Variants in PTGR1 observed in about 807,000 individuals in gnomAD.
The protein encoded by PTGR1 is prostaglandin reductase 1, also known as 15-oxoprostaglandin 13-reductase.
In PTGR1, 23 loss-of-function variants were observed where a neutral mutation model predicts 37.7. The observed-to-expected ratio is 0.61, with a 90% CI of 0.44 to 0.86. The LOEUF (loss-of-function observed/expected upper bound fraction) is 0.86, where lower values mean the gene tolerates loss of function less well. PTGR1 is among the 40% of genes least tolerant of loss of function. The pLI is 0.00. For synonymous variants in PTGR1, 134 were observed against 140.0 expected, an observed-to-expected ratio of 0.96 and a Z score of 0.30; for missense variants, 351 against 394.3, an observed-to-expected ratio of 0.89 and a Z score of 0.93.
In PTGR1 at chr9:111,562,791, C is replaced by T. The variant is rs779258232; in HGVS notation, c.*330G>A. The T allele has an allele frequency of 2.2e-5, 7 of 315,262 alleles. No homozygotes were observed. In the Admixed American group the frequency reaches 2.6e-4, roughly 12 times the overall value. 19.5% of individuals were successfully genotyped at this position (315,262 alleles called of 1,614,324 possible). A position where few individuals can be genotyped will look rare whatever the true frequency, so the allele number is the denominator to read the frequency against. On this transcript the variant is annotated 3_prime_UTR_variant, in exon 10 of 10. Transcript: ENST00000407693. ...AGGCCCCAGCGTGTGTTGTTCCCCTCCCTATGTCCATGTGTTCTCATTGTT... is the reference window on the plus strand; with the variant it reads ...AGGCCCCAGCGTGTGTTGTTCCCCTTCCTATGTCCATGTGTTCTCATTGTT...
chr9:111,550,683 C>T (rs775610143), intron 9 of PTGR1, among the ~76,000 whole-genome samples: 3 of 152,176 alleles, frequency 2.0e-5, no homozygotes, highest in Admixed American at 6.5e-5. Flanking sequence ...ATTTTTCCTG[C>T]TTTCTTGAAG....
rs1382767018 is a variant in PTGR1 at position 111,562,765 on chromosome 9, C to T, written c.*356G>A. On this transcript the variant is annotated 3_prime_UTR_variant, in exon 10 of 10. Coordinates refer to ENST00000407693, the MANE Select transcript of PTGR1 (RefSeq NM_001146108.2). Reference sequence around the variant, plus strand: ...TCTCCCTCCCTCACCCCGGCTTCCACAGGCCCCAGCGTGTGTTGTTCCCCT... The same window carrying T: ...TCTCCCTCCCTCACCCCGGCTTCCATAGGCCCCAGCGTGTGTTGTTCCCCT... 3.3e-5 allele frequency: 7 copies of T among 214,932 alleles called. No homozygotes were observed. The highest frequency in any genetic ancestry group is 1.6e-4 in the African/African-American group (7 of 43,352). 13.3% of individuals were successfully genotyped at this position (214,932 alleles called of 1,614,324 possible). A position where few individuals can be genotyped will look rare whatever the true frequency, so the allele number is the denominator to read the frequency against.
chr9:111,574,913 A>C, intron 7 of PTGR1, 71 bp from the exon 8 acceptor site: 1 of 1,257,590 alleles, frequency 8.0e-7, no homozygotes, highest in South Asian at 1.3e-5. Context: ...ATTAAGTCAC[A>C]AGCATTATTT....
intron 3 of PTGR1, among the ~76,000 whole-genome samples, chr9:111,593,935 C>CTTT (rs765787072): frequency 3.7e-5 from 5 of 134,970 alleles, no homozygotes; most frequent in African/African-American, 1.1e-4. Flanking sequence ...TTTTTTCCTT[C>CTTT]TTTTTTTTTT....
intron 5 of PTGR1, among the ~76,000 whole-genome samples, chr9:111,584,885 A>T (rs1336793685): frequency 6.6e-6 from 1 of 152,224 alleles, no homozygotes; most frequent in Admixed American, 6.5e-5. Context: ...GTTTTCTCTT[A>T]TTACACTAGC....
chr9:111,564,727 T>C (rs1376002071), intron 9 of PTGR1, among the ~76,000 whole-genome samples: 2 of 152,184 alleles, frequency 1.3e-5, no homozygotes, highest in Non-Finnish European at 2.9e-5. Flanking sequence ...CGAATACTGT[T>C]ATGGACTGAA....
chr9:111,596,596 CAA>C (rs566371612), intron 2 of PTGR1, among the ~76,000 whole-genome samples: 6 of 130,168 alleles, frequency 4.6e-5, no homozygotes, highest in Admixed American at 7.7e-5. Flanking sequence ...ACTAAAAATA[CAA>C]AAAAAAAAAA....
intron 8 of PTGR1, 23 bp from the exon 9 acceptor site, chr9:111,570,232 G>C (rs1828750393): frequency 6.2e-7 from 1 of 1,605,886 alleles, no homozygotes; most frequent in East Asian, 2.2e-5. Flanking sequence ...GGGCACATTT[G>C]GGTGGCAGGA....
chr9:111,567,330 G>C (rs1171692297), intron 9 of PTGR1, among the ~76,000 whole-genome samples: 1 of 152,118 alleles, frequency 6.6e-6, no homozygotes, highest in African/African-American at 2.4e-5. Flanking sequence ...TGGGACTATA[G>C]GTGCACGCCA....
intron 4 of PTGR1, among the ~76,000 whole-genome samples, chr9:111,591,037 G>A (rs953187315): frequency 2.6e-5 from 4 of 151,994 alleles, no homozygotes; most frequent in Non-Finnish European, 4.4e-5. Context: ...CATGCCTGTA[G>A]TCCCAAAACT....
downstream of PTGR1, among the ~76,000 whole-genome samples, chr9:111,561,151 GA>G (rs1564608133): frequency 2.9e-4 from 7 of 23,866 alleles, 1 homozygote; most frequent in Non-Finnish European, 4.6e-4. Flanking sequence ...GAGAGAGGGA[GA>G]GAGAGAGAGA....
intron 1 of PTGR1, among the ~76,000 whole-genome samples, 152 bp from the exon 2 acceptor site, chr9:111,597,584 T>C (rs1829821353): frequency 6.6e-6 from 1 of 152,236 alleles, no homozygotes; most frequent in South Asian, 2.1e-4. Context: ...TAACATTTAC[T>C]ATGTTTCTGG....
intron 9 of PTGR1, among the ~76,000 whole-genome samples, chr9:111,550,687 C>A (rs10124270): frequency 0.029 from 4,351 of 152,236 alleles, 201 homozygotes; most frequent in African/African-American, 0.097. Context: ...TTCCTGCTTT[C>A]TTGAAGATTT....
chr9:111,583,697 G>A (rs1291586713), intron 5 of PTGR1, 108 bp from the exon 6 acceptor site: 3 of 813,330 alleles, frequency 3.7e-6, no homozygotes, highest in East Asian at 2.5e-5. Flanking sequence ...ATGGGTCCAA[G>A]TAAAAGACAA....
intron 8 of PTGR1, among the ~76,000 whole-genome samples, chr9:111,571,015 C>CTGGGACTATAGGTGCA (rs1446706355): frequency 7.5e-6 from 1 of 132,470 alleles, no homozygotes; most frequent in Admixed American, 8.2e-5. Context: ...ATACAGGCAG[C>CTGGGACTATAGGTGCA]TGCTAGAAGC....
chr9:111,583,369 A>G (rs1829334429), intron 6 of PTGR1, 103 bp downstream of exon 6: 1 of 931,752 alleles, frequency 1.1e-6, no homozygotes, highest in Admixed American at 2.0e-5. Context: ...AAAGAAGACA[A>G]CTAGACTATA....
Position 111,562,840 on chromosome 9 carries a change from C to CT in PTGR1, c.*280_*281insA, listed in dbSNP as rs1205381178. 6 of 747,934 alleles carry CT rather than the reference C, an allele frequency of 8.0e-6. No individual in the cohort carries two copies. Among genetic ancestry groups the CT allele is most frequent in the Non-Finnish European group, 1.1e-5 (6 of 553,870 alleles). The allele number at this position is 747,934 out of a possible 1,614,324, so 46.3% of individuals were successfully genotyped here. On this transcript the variant is annotated 3_prime_UTR_variant, in exon 10 of 10. Transcript: ENST00000407693. ...TTCAGCTCCCACTTATGAATGAAAACATACAGTGTTTGGAAAATTTTCACA... is the reference window on the plus strand; with the variant it reads ...TTCAGCTCCCACTTATGAATGAAAACTATACAGTGTTTGGAAAATTTTCACA...
chr9:111,598,883 C>G (rs567034210), intron 1 of PTGR1, among the ~76,000 whole-genome samples: 2 of 152,288 alleles, frequency 1.3e-5, no homozygotes, highest in African/African-American at 2.4e-5. Context: ...TGCTGTGCAA[C>G]AGATCTCAGA....
chr9:111,598,998 T>A (rs189793273), intron 1 of PTGR1, among the ~76,000 whole-genome samples: 1 of 152,228 alleles, frequency 6.6e-6, no homozygotes, highest in Admixed American at 6.5e-5. Context: ...AGTCGTTATT[T>A]CTATGAGTTC....
Sources: gnomAD v4.1 joint callset for allele counts (sites outside exome capture counted in the v4.1 genomes callset) on GRCh38, gnomAD v4.1.1 for gene constraint, MANE v1.5 for transcripts, NCBI Gene and HGNC (gene_info 2026-07-23, HGNC 2026-07-21) for gene names.